The following MOB1B variants were observed in gnomAD, a reference collection of about 807,000 sequenced individuals.
MOB1B encodes MOB1 Mps One Binder homolog B.
Under a neutral mutation model 24.4 loss-of-function variants are expected in MOB1B, and 19 were observed. The ratio of observed to expected loss-of-function variants is 0.78; its 90% CI spans 0.54 to 1.14. The LOEUF (loss-of-function observed/expected upper bound fraction) is 1.14, where lower values mean the gene tolerates loss of function less well. MOB1B is among the 50% of genes most tolerant of loss of function. The probability of loss-of-function intolerance (pLI) is 0.00; values close to 1 mark genes in which losing one functional copy is unlikely to be tolerated. For missense variants in MOB1B, 243 were observed against 259.6 expected, an observed-to-expected ratio of 0.94 and a Z score of 0.44; for synonymous variants, 76 against 82.1, an observed-to-expected ratio of 0.93 and a Z score of 0.40.
At chr4:70,952,586 T>C (rs977793600) in intron 1 of MOB1B, among the ~76,000 whole-genome samples, 2 of 139,916 alleles carry the variant, frequency 1.4e-5, no homozygotes, top group African/African-American at 5.4e-5. Flanking sequence ...GAGCTTGCAG[T>C]GAGCCAAGAT....
intron 1 of MOB1B, among the ~76,000 whole-genome samples, chr4:70,927,413 G>T (rs774849959): frequency 2.0e-5 from 3 of 151,980 alleles, no homozygotes; most frequent in Non-Finnish European, 2.9e-5. Context: ...GGTGGCACTC[G>T]CCTGTAATCC....
In MOB1B at chr4:70,984,987, G is replaced by A. The variant is rs538017214; in HGVS notation, c.*2930G>A. On this transcript the variant is annotated 3_prime_UTR_variant, in exon 6 of 6. Coordinates refer to ENST00000309395, the MANE Select transcript of MOB1B (RefSeq NM_173468.4). ...AAATTCTAAATGGTCACCATAAAAT[G>A]TATTAGGTAGGAGAAGATACGTTTT... The A allele has an allele frequency of 5.3e-5, 8 of 152,032 alleles. 1 individual carries two copies. In the South Asian group the frequency reaches 1.7e-3, roughly 32 times the overall value. 9.4% of individuals were successfully genotyped at this position (152,032 alleles called of 1,614,324 possible). A position where few individuals can be genotyped will look rare whatever the true frequency, so the allele number is the denominator to read the frequency against.
intron 1 of MOB1B, among the ~76,000 whole-genome samples, chr4:70,915,378 G>C (rs901109428): frequency 6.6e-6 from 1 of 152,216 alleles, no homozygotes; most frequent in Non-Finnish European, 1.5e-5. Context: ...ACTCCACAGT[G>C]TGGGAGCAGG....
At chr4:70,970,905 CTG>C (rs1197288840) in intron 3 of MOB1B, among the ~76,000 whole-genome samples, 2 of 152,206 alleles carry the variant, frequency 1.3e-5, no homozygotes, top group African/African-American at 4.8e-5. Context: ...AGACACAAAG[CTG>C]TGTTTGAACC....
intron 1 of MOB1B, among the ~76,000 whole-genome samples, chr4:70,919,165 G>C (rs1436002123): frequency 6.6e-6 from 1 of 151,990 alleles, no homozygotes; most frequent in Non-Finnish European, 1.5e-5. Context: ...TTGTGGGGTG[G>C]GGGGAGCGGG....
intron 2 of MOB1B, among the ~76,000 whole-genome samples, chr4:70,960,691 G>A (rs1054086199): frequency 7.2e-5 from 11 of 152,146 alleles, no homozygotes; most frequent in Middle Eastern, 3.2e-3. Flanking sequence ...TTGAAATAAA[G>A]TGATTTGTTT....
intron 4 of MOB1B, chr4:70,976,541 C>G: frequency 1.0e-6 from 1 of 984,768 alleles, no homozygotes; most frequent in Non-Finnish European, 1.2e-6. Context: ...ATGTTTTTGC[C>G]TTCTCAAACT....
intron 4 of MOB1B, among the ~76,000 whole-genome samples, chr4:70,978,546 GTATAT>G (rs1739089142): frequency 1.3e-5 from 2 of 152,138 alleles, no homozygotes; most frequent in Admixed American, 6.5e-5. Context: ...CCCACCAACA[GTATAT>G]AAGAGTTCCC....
chr4:70,974,017 G>GGA (rs1201059593), intron 3 of MOB1B, among the ~76,000 whole-genome samples: 1 of 152,132 alleles, frequency 6.6e-6, no homozygotes, highest in Non-Finnish European at 1.5e-5. Flanking sequence ...TGAATCAAAG[G>GGA]GAGAAGTTAA....
chr4:70,902,623 G>A, intron 1 of MOB1B, 73 bp downstream of exon 1: 1 of 1,162,058 alleles, frequency 8.6e-7, no homozygotes, highest in African/African-American at 1.7e-5. Flanking sequence ...CCCGCCGCCC[G>A]TCGCCCGCCC....
chr4:70,932,763 A>C (rs1169619564), intron 1 of MOB1B, among the ~76,000 whole-genome samples: 1 of 152,142 alleles, frequency 6.6e-6, no homozygotes, highest in Non-Finnish European at 1.5e-5. Context: ...TTGGTATATC[A>C]CATTGATTGA....
At chr4:70,947,475 A>G (rs752078205) in intron 1 of MOB1B, among the ~76,000 whole-genome samples, 6 of 151,788 alleles carry the variant, frequency 4.0e-5, no homozygotes, top group East Asian at 1.9e-4. Context: ...GAGTCTTACT[A>G]TGTTGCTCAG....
chr4:70,904,209 C>G (rs1401078739), intron 1 of MOB1B, among the ~76,000 whole-genome samples: 2 of 151,378 alleles, frequency 1.3e-5, no homozygotes, highest in Non-Finnish European at 2.9e-5. Context: ...GTCTCGAACT[C>G]CTGATTTCAA....
At chr4:70,972,006 C>G (rs1738775139) in intron 3 of MOB1B, among the ~76,000 whole-genome samples, 1 of 148,714 alleles carries the variant, frequency 6.7e-6, no homozygotes, top group African/African-American at 2.5e-5. Context: ...CTTCCTTTCT[C>G]CCTTTTTTTT....
chr4:70,954,015 C>T lies in MOB1B; in HGVS notation c.15-4859C>T, dbSNP rs374900064. The stretch of plus-strand genomic sequence containing the variant: ...TTGTTTTCCTGATTTCCAGTCTAAC[C>T]CTAAGATTATTCCAAGATGGCCTGA... On this transcript the variant is annotated intron_variant, in intron 1 of 5. Transcript: ENST00000309395. Among the ~76,000 whole-genome samples, 36 of 152,078 alleles carry T rather than the reference C, an allele frequency of 2.4e-4. 1 individual carries two copies. The highest frequency in any genetic ancestry group is 2.1e-3 in the East Asian group (11 of 5,174).
At chr4:70,959,454 T>C (rs539118667) in intron 2 of MOB1B, among the ~76,000 whole-genome samples, 1 of 152,318 alleles carries the variant, frequency 6.6e-6, no homozygotes, top group East Asian at 1.9e-4. Context: ...CCTCAAGTGA[T>C]CCTTCTATCT....
Position 70,903,054 on chromosome 4 carries a change from A to G in MOB1B, c.14+504A>G, listed in dbSNP as rs111436233. The stretch of plus-strand genomic sequence containing the variant: ...CTTCCTCTCTCGTCTTAGGGCTGGG[A>G]AGTTGGGATGACAAGTTCTGTAGAT... On this transcript the variant is annotated intron_variant, in intron 1 of 5. Transcript: ENST00000309395. 9.4e-4 allele frequency among the ~76,000 whole-genome samples: 143 copies of G among 152,048 alleles called. 2 individuals carry two copies. The highest frequency in any genetic ancestry group is 3.3e-3 in the African/African-American group (138 of 41,472).
At chr4:70,944,055 CT>C (rs940341639) in intron 1 of MOB1B, among the ~76,000 whole-genome samples, 54 of 147,784 alleles carry the variant, frequency 3.7e-4, no homozygotes, top group African/African-American at 4.9e-4. Context: ...ATCTGTAATA[CT>C]TTTTTTTTTT....
intron 1 of MOB1B, among the ~76,000 whole-genome samples, chr4:70,923,637 A>G (rs1395301056): frequency 6.6e-6 from 1 of 152,022 alleles, no homozygotes; most frequent in Non-Finnish European, 1.5e-5. Context: ...TTTTTATGTA[A>G]ATCTTCTTTT....
Sources: allele counts gnomAD v4.1 joint callset (sites outside exome capture counted in the v4.1 genomes callset), GRCh38; gene constraint gnomAD v4.1.1; transcripts MANE v1.5; gene names NCBI Gene and HGNC (gene_info 2026-07-23, HGNC 2026-07-21).